PLCB1: variants seen among roughly 807,000 people sequenced by gnomAD.
PLCB1 encodes 1-phosphatidylinositol 4,5-bisphosphate phosphodiesterase beta-1.
Under a neutral mutation model 161.8 loss-of-function variants are expected in PLCB1, and 46 were observed. The observed-to-expected ratio is 0.28, with a 90% CI of 0.22 to 0.36. The LOEUF (loss-of-function observed/expected upper bound fraction) is 0.36. Among genes scored for constraint, PLCB1 ranks in the 10% least tolerant of loss-of-function variants. The pLI is 1.00. For synonymous variants in PLCB1, 517 were observed against 503.7 expected (o/e 1.03, Z -0.35); for missense variants, 1,016 against 1,472.5 (o/e 0.69, Z 5.07).
chr20:8,175,472 A>AAAAAAT (rs2051773412), intron 2 of PLCB1, among the ~76,000 whole-genome samples: 1 of 151,938 alleles, frequency 6.6e-6, no homozygotes, highest in African/African-American at 2.4e-5. Context: ...AATAAAAAAA[A>AAAAAAT]AAGTATAAAA....
At chr20:8,344,931 C>T (rs797012417) in intron 2 of PLCB1, among the ~76,000 whole-genome samples, 2 of 152,160 alleles carry the variant, frequency 1.3e-5, no homozygotes, top group African/African-American at 2.4e-5. Context: ...AAATTTGGCA[C>T]GCTGAAAGGA....
intron 3 of PLCB1, among the ~76,000 whole-genome samples, chr20:8,436,955 A>G (rs924874150): frequency 1.3e-5 from 2 of 151,890 alleles, no homozygotes; most frequent in Non-Finnish European, 2.9e-5. Flanking sequence ...ACACCCAGCT[A>G]ATTTTTGTAT....
intron 2 of PLCB1, among the ~76,000 whole-genome samples, chr20:8,202,447 T>C (rs2123128449): frequency 6.6e-6 from 1 of 152,378 alleles, no homozygotes; most frequent in African/African-American, 2.4e-5. Flanking sequence ...TTGTACCATT[T>C]GGAAATTCAG....
intron 31 of PLCB1, among the ~76,000 whole-genome samples, chr20:8,821,200 G>T (rs893078186): frequency 6.6e-6 from 1 of 151,760 alleles, no homozygotes; most frequent in African/African-American, 2.4e-5. Context: ...TATATTTAAG[G>T]CCGGGTGCGG....
At chr20:8,835,461 A>G (rs1986243756) in intron 31 of PLCB1, among the ~76,000 whole-genome samples, 1 of 151,982 alleles carries the variant, frequency 6.6e-6, no homozygotes, top group Non-Finnish European at 1.5e-5. Context: ...GTCCCTAACC[A>G]CAGGCTTTAG....
intron 27 of PLCB1, among the ~76,000 whole-genome samples, chr20:8,775,794 G>A (rs905995975): frequency 5.3e-5 from 8 of 152,116 alleles, no homozygotes; most frequent in African/African-American, 1.7e-4. Context: ...CAGATCTCTC[G>A]TAGGGCTGGT....
rs190982306 is a variant in PLCB1, at chr20:8,766,166, T to G, written c.2930+808T>G. ...TATTTTTTGAGTGCCTACTGTGCCC[T>G]GGGGACACAGCAATAAACATGACCT... On this transcript the variant is annotated intron_variant, in intron 26 of 31. Coordinates refer to ENST00000338037, the MANE Select transcript of PLCB1 (RefSeq NM_015192.4). 3.3e-5 allele frequency among the ~76,000 whole-genome samples: 5 copies of G among 152,318 alleles called. No homozygotes were observed. The East Asian group carries it at 9.6e-4, about 29-fold the overall frequency.
intron 3 of PLCB1, among the ~76,000 whole-genome samples, chr20:8,400,884 A>G (rs980919533): frequency 6.6e-6 from 1 of 152,158 alleles, no homozygotes; most frequent in African/African-American, 2.4e-5. Context: ...CAATACAGGT[A>G]TATTCGAATT....
chr20:8,517,222 T>G (rs887737656), intron 3 of PLCB1, among the ~76,000 whole-genome samples: 2 of 152,150 alleles, frequency 1.3e-5, no homozygotes, highest in African/African-American at 4.8e-5. Context: ...GCCTGCATGG[T>G]GAGCCTAGAG....
chr20:8,148,929 T>C (rs185801950), intron 1 of PLCB1, among the ~76,000 whole-genome samples: 4 of 152,162 alleles, frequency 2.6e-5, no homozygotes, highest in Admixed American at 2.6e-4. Flanking sequence ...CAAGAGGGAA[T>C]GAGGAGTTAG....
At chr20:8,870,604 CT>C (rs1326131816) in intron 31 of PLCB1, among the ~76,000 whole-genome samples, 6 of 152,166 alleles carry the variant, frequency 3.9e-5, no homozygotes, top group Non-Finnish European at 5.9e-5. Context: ...AGGAACTGTG[CT>C]TGGTAAATCA....
chr20:8,644,235 A>T (rs1012949262), intron 4 of PLCB1, among the ~76,000 whole-genome samples: 2 of 151,846 alleles, frequency 1.3e-5, no homozygotes, highest in Admixed American at 1.3e-4. Flanking sequence ...GGAAGTGAGG[A>T]GCGTCTCTGC....
intron 31 of PLCB1, among the ~76,000 whole-genome samples, chr20:8,823,176 A>T (rs1317432327): frequency 6.6e-6 from 1 of 152,140 alleles, no homozygotes; most frequent in Admixed American, 6.5e-5. Context: ...GGGCTGGAGT[A>T]CAGTGACGCA....
At chr20:8,747,884 C>CA (rs1464437161) in intron 23 of PLCB1, among the ~76,000 whole-genome samples, 2 of 151,920 alleles carry the variant, frequency 1.3e-5, no homozygotes, top group African/African-American at 2.4e-5. Flanking sequence ...AATGTGACAT[C>CA]AAAAAAATCC....
At chr20:8,820,987 A>G (rs957661909) in intron 31 of PLCB1, among the ~76,000 whole-genome samples, 1 of 152,182 alleles carries the variant, frequency 6.6e-6, no homozygotes, top group Admixed American at 6.5e-5. Flanking sequence ...TATGAGAACA[A>G]TAAAACCAAA....
At chr20:8,188,168 C>T (rs1177441447) in intron 2 of PLCB1, among the ~76,000 whole-genome samples, 1 of 152,072 alleles carries the variant, frequency 6.6e-6, no homozygotes, top group East Asian at 1.9e-4. Context: ...GGTTTAAGAG[C>T]CAGCAGCCAT....
At chr20:8,388,815 G>A (rs979418380) in intron 3 of PLCB1, among the ~76,000 whole-genome samples, 6 of 152,166 alleles carry the variant, frequency 3.9e-5, no homozygotes, top group African/African-American at 9.7e-5. Flanking sequence ...ATCTTTAGAT[G>A]TAAATTATAT....
intron 3 of PLCB1, among the ~76,000 whole-genome samples, chr20:8,537,569 G>A (rs1985104395): frequency 6.6e-6 from 1 of 152,008 alleles, no homozygotes; most frequent in South Asian, 2.1e-4. Flanking sequence ...TGGGGTGTGC[G>A]GGGAGCCCTT....
At position 8,628,357 on chromosome 20, in the gene PLCB1, A is replaced by G; in HGVS notation, c.310A>G (p.Thr104Ala). 6.2e-7 allele frequency: 1 copy of G among 1,614,116 alleles called. No individual in the cohort carries two copies. Among genetic ancestry groups the G allele is most frequent in the African/African-American group, 1.3e-5 (1 of 75,036 alleles). Reference protein sequence around the residue: ...NIGRLEQRMITVVYGPDLVNI... With the variant: ...NIGRLEQRMIAVVYGPDLVNI... ...CGGGCGCCTGGAGCAGCGCATGATC[A>G]CAGTGGTGTATGGGCCTGACCTCGT... Residue 104 changes from threonine to alanine, a missense_variant, in exon 4 of 32, where the codon ACA (threonine) becomes GCA (alanine). By Grantham distance (58) the Thr-to-Ala change is moderately conservative (BLOSUM62 0). This residue lies in a region of PLCB1 where 181 missense variants were observed against 236.7 expected (regional missense o/e 0.76). Coordinates refer to ENST00000338037, the MANE Select transcript of PLCB1 (RefSeq NM_015192.4).
Sources: gnomAD v4.1 joint callset for allele counts (sites outside exome capture counted in the v4.1 genomes callset) on GRCh38, gnomAD v4.1.1 for gene constraint, gnomAD v4.1.1 regional missense constraint, MANE v1.5 for transcripts, NCBI Gene and HGNC (gene_info 2026-07-23, HGNC 2026-07-21) for gene names.